The following SCARA5 variants were observed in gnomAD, a reference collection of about 807,000 sequenced individuals.
SCARA5 encodes scavenger receptor class A, member 5 (putative).
In SCARA5, 45 loss-of-function variants were observed where a neutral mutation model predicts 46.3. The ratio of observed to expected loss-of-function variants is 0.97; its 90% CI spans 0.76 to 1.24. SCARA5 has a LOEUF of 1.24. Ranked by LOEUF, SCARA5 falls within the 50% of genes most tolerant of loss-of-function variation. The pLI, the probability that SCARA5 is intolerant of heterozygous loss-of-function variation, is 0.00. For missense variants in SCARA5, 680 were observed against 689.0 expected, an observed-to-expected ratio of 0.99 and a Z score of 0.15; for synonymous variants, 333 against 306.5, an observed-to-expected ratio of 1.09 and a Z score of -0.90.
intron 7 of SCARA5, chr8:27,904,393 C>G (rs954410332): frequency 2.2e-5 from 8 of 370,724 alleles, no homozygotes; most frequent in Non-Finnish European, 3.4e-5. Context: ...CCAGCATGAT[C>G]ATAAGCACTT....
In SCARA5 at chr8:27,968,341, A is replaced by G. The variant is rs145956304; in HGVS notation, c.113-1799T>C. Among the ~76,000 whole-genome samples the G allele has an allele frequency of 2.1e-3, 324 of 152,348 alleles. 3 individuals carry two copies. Among genetic ancestry groups the G allele is most frequent in the African/African-American group, 7.6e-3 (315 of 41,586 alleles). On this transcript the variant is annotated intron_variant, in intron 2 of 8. Transcript: ENST00000354914. Reference sequence around the variant, plus strand: ...AGTGTCGAGCAAGTTGTCAATGACTATTCTCACTCATCCTTACATTAGCAA... The same window carrying G: ...AGTGTCGAGCAAGTTGTCAATGACTGTTCTCACTCATCCTTACATTAGCAA...
At chr8:27,923,979 T>C (rs1317758433) in intron 3 of SCARA5, among the ~76,000 whole-genome samples, 1 of 152,218 alleles carries the variant, frequency 6.6e-6, no homozygotes, top group Non-Finnish European at 1.5e-5. Context: ...TATAAGCAGC[T>C]ATTGCATAAT....
intron 3 of SCARA5, among the ~76,000 whole-genome samples, chr8:27,924,646 G>A (rs1807652782): frequency 6.6e-6 from 1 of 152,190 alleles, no homozygotes; most frequent in Non-Finnish European, 1.5e-5. Context: ...ATTCTGTTCA[G>A]ACTTAGAATT....
At chr8:27,962,300 T>G (rs898217607) in intron 3 of SCARA5, among the ~76,000 whole-genome samples, 14 of 152,226 alleles carry the variant, frequency 9.2e-5, no homozygotes, top group Non-Finnish European at 1.6e-4. Context: ...TTTTAAAGAC[T>G]TTCAGATTCA....
chr8:27,947,248 G>T (rs1808052893), intron 3 of SCARA5, among the ~76,000 whole-genome samples: 1 of 152,152 alleles, frequency 6.6e-6, no homozygotes, highest in Non-Finnish European at 1.5e-5. Flanking sequence ...CTGACCTCAG[G>T]TGATCCACCT....
At chr8:27,875,059 G>A (rs1806700652) in intron 8 of SCARA5, among the ~76,000 whole-genome samples, 1 of 152,202 alleles carries the variant, frequency 6.6e-6, no homozygotes, top group African/African-American at 2.4e-5. Context: ...CCCTGGGAGA[G>A]CTGTCAGGGC....
At chr8:27,899,917 C>T (rs1238447229) in intron 7 of SCARA5, among the ~76,000 whole-genome samples, 1 of 152,196 alleles carries the variant, frequency 6.6e-6, no homozygotes, top group Non-Finnish European at 1.5e-5. Context: ...GCAGGCAGAT[C>T]ACCTGAGGTC....
At chr8:27,975,160 C>CGATTAAG (rs1563200013) in intron 2 of SCARA5, among the ~76,000 whole-genome samples, 1 of 152,062 alleles carries the variant, frequency 6.6e-6, no homozygotes, top group African/African-American at 2.4e-5. Context: ...ATCAATCATG[C>CGATTAAG]CTACATAATG....
At chr8:27,976,064 G>C (rs867336431) in intron 2 of SCARA5, among the ~76,000 whole-genome samples, 1 of 152,102 alleles carries the variant, frequency 6.6e-6, no homozygotes, top group Non-Finnish European at 1.5e-5. Context: ...ACAATCAAGG[G>C]TGTGTGTGCT....
chr8:27,895,724 T>A (rs6989710), intron 7 of SCARA5, among the ~76,000 whole-genome samples: 1,966 of 152,110 alleles, frequency 0.013, 31 homozygotes, highest in African/African-American at 0.043. Flanking sequence ...TCAGACGGGG[T>A]ACTTGGGACT....
chr8:27,944,985 G>A (rs1003996219), intron 3 of SCARA5, among the ~76,000 whole-genome samples: 1 of 152,038 alleles, frequency 6.6e-6, no homozygotes, highest in African/African-American at 2.4e-5. Context: ...GGGCAACATG[G>A]CAAAACCATC....
intron 2 of SCARA5, among the ~76,000 whole-genome samples, chr8:27,973,676 T>C (rs1808479677): frequency 6.6e-6 from 1 of 152,112 alleles, no homozygotes; most frequent in Non-Finnish European, 1.5e-5. Context: ...CCCTGGATGC[T>C]CACTCTCTGA....
chr8:27,922,559 A>G (rs1233326615), intron 3 of SCARA5, among the ~76,000 whole-genome samples: 2 of 152,196 alleles, frequency 1.3e-5, no homozygotes, highest in Non-Finnish European at 2.9e-5. Context: ...GGTGCAGACA[A>G]GTTTGTGAGC....
chr8:27,924,529 C>T (rs1427958384), intron 3 of SCARA5, among the ~76,000 whole-genome samples: 1 of 152,214 alleles, frequency 6.6e-6, no homozygotes, highest in Non-Finnish European at 1.5e-5. Context: ...ACTTCTCCCC[C>T]ACCCAGCACT....
At chr8:27,894,200 T>C (rs543604135) in intron 7 of SCARA5, among the ~76,000 whole-genome samples, 2 of 152,372 alleles carry the variant, frequency 1.3e-5, no homozygotes, top group East Asian at 3.9e-4. Flanking sequence ...ACAGCTCATT[T>C]AACAGAAGAG....
chr8:27,914,521 G>C (rs1266924686), intron 4 of SCARA5, among the ~76,000 whole-genome samples: 1 of 152,268 alleles, frequency 6.6e-6, no homozygotes. Context: ...CTTCTGTAGG[G>C]CACTGTCTGT....
chr8:27,878,391 C>A (rs1585458715), intron 8 of SCARA5, among the ~76,000 whole-genome samples: 1 of 152,188 alleles, frequency 6.6e-6, no homozygotes, highest in African/African-American at 2.4e-5. Flanking sequence ...CAGGTTTGTG[C>A]ATGTGGGACC....
rs144114151 is a variant in SCARA5, at chr8:27,896,583, G to A, written c.1153+8195C>T. Among the ~76,000 whole-genome samples the A allele has an allele frequency of 4.1e-3, 621 of 152,172 alleles. 4 individuals are homozygous for A. Among genetic ancestry groups the A allele is most frequent in the African/African-American group, 0.014 (587 of 41,510 alleles). On this transcript the variant is annotated intron_variant, in intron 7 of 8. Transcript: ENST00000354914. ...CATGCAGGAGCTCAGTGACCGGGGT[G>A]GTTGCCTCTCAATAGTGTTGAACTC...
intron 3 of SCARA5, among the ~76,000 whole-genome samples, chr8:27,939,976 A>G (rs1807917097): frequency 1.3e-5 from 2 of 152,190 alleles, no homozygotes; most frequent in Admixed American, 1.3e-4. Context: ...ATTTTTCTCC[A>G]GTCTGCCTCC....
Sources: allele counts gnomAD v4.1 joint callset (sites outside exome capture counted in the v4.1 genomes callset), GRCh38; gene constraint gnomAD v4.1.1; transcripts MANE v1.5; gene names NCBI Gene and HGNC (gene_info 2026-07-23, HGNC 2026-07-21).